Variants in DCC observed in about 807,000 individuals in gnomAD.
DCC encodes netrin receptor DCC.
A neutral mutation model predicts 172.5 loss-of-function variants in DCC; 58 were observed. The ratio of observed to expected loss-of-function variants is 0.34; its 90% CI spans 0.27 to 0.42. The LOEUF (loss-of-function observed/expected upper bound fraction) is 0.42, where lower values mean the gene tolerates loss of function less well. Among genes scored for constraint, DCC ranks in the 10% least tolerant of loss-of-function variants. DCC has a pLI of 1.00. For synonymous variants in DCC, 709 were observed against 644.5 expected, an observed-to-expected ratio of 1.10 and a Z score of -1.52; for missense variants, 1,740 against 1,791.0, an observed-to-expected ratio of 0.97 and a Z score of 0.51.
intron 7 of DCC, among the ~76,000 whole-genome samples, chr18:53,131,847 A>T (rs2043658024): frequency 6.6e-6 from 1 of 151,744 alleles, no homozygotes; most frequent in South Asian, 2.1e-4. Flanking sequence ...GCAAAGGCCG[A>T]ATTTGTCTTG....
chr18:53,303,744 C>G (rs187776835), intron 12 of DCC, among the ~76,000 whole-genome samples: 127 of 152,248 alleles, frequency 8.3e-4, no homozygotes, highest in African/African-American at 2.7e-3. Flanking sequence ...ACTCCCAAAT[C>G]CCCAGTGAGT....
intron 2 of DCC, among the ~76,000 whole-genome samples, chr18:52,779,706 C>T (rs1177935955): frequency 6.6e-6 from 1 of 152,112 alleles, no homozygotes; most frequent in Admixed American, 6.5e-5. Context: ...ATTTCTAGTT[C>T]TAGATCCTTG....
intron 2 of DCC, among the ~76,000 whole-genome samples, chr18:52,833,961 T>C (rs2038660059): frequency 6.7e-6 from 1 of 148,600 alleles, no homozygotes; most frequent in Non-Finnish European, 1.5e-5. Flanking sequence ...TTTTACCTCC[T>C]AGTAGAAATA....
At chr18:52,760,066 C>T (rs1347844613) in intron 2 of DCC, among the ~76,000 whole-genome samples, 1 of 152,154 alleles carries the variant, frequency 6.6e-6, no homozygotes, top group Admixed American at 6.5e-5. Context: ...TGTTCTCACA[C>T]TGCTATAAAG....
intron 1 of DCC, among the ~76,000 whole-genome samples, chr18:52,502,142 G>T (rs1004509162): frequency 6.6e-6 from 1 of 152,100 alleles, no homozygotes; most frequent in Non-Finnish European, 1.5e-5. Context: ...ACTTCATATT[G>T]TATATAAGTT....
intron 12 of DCC, among the ~76,000 whole-genome samples, chr18:53,230,786 A>G (rs985799999): frequency 6.6e-6 from 1 of 152,008 alleles, no homozygotes; most frequent in African/African-American, 2.4e-5. Flanking sequence ...TCAATTTAGA[A>G]TACTAGATGA....
chr18:53,025,795 T>TACACACACACACAC (rs34351949), intron 5 of DCC, among the ~76,000 whole-genome samples: 14 of 141,602 alleles, frequency 9.9e-5, no homozygotes, highest in Middle Eastern at 3.6e-3. Flanking sequence ...AAAACTATGA[T>TACACACACACACAC]ACACACACAC....
At chr18:52,799,726 T>C (rs1336402053) in intron 2 of DCC, among the ~76,000 whole-genome samples, 1 of 152,224 alleles carries the variant, frequency 6.6e-6, no homozygotes, top group Non-Finnish European at 1.5e-5. Context: ...CCAGCATAAT[T>C]GATTTCTGAA....
intron 2 of DCC, among the ~76,000 whole-genome samples, chr18:52,868,594 T>G (rs2039266631): frequency 1.3e-5 from 2 of 152,120 alleles, no homozygotes; most frequent in African/African-American, 4.8e-5. Flanking sequence ...GGGAAGAAAT[T>G]TAGTTTATAG....
intron 3 of DCC, among the ~76,000 whole-genome samples, chr18:52,910,890 A>C (rs1026200823): frequency 9.2e-5 from 14 of 152,092 alleles, no homozygotes; most frequent in African/African-American, 3.4e-4. Context: ...AATATACATG[A>C]TTTTTGTCTA....
chr18:52,430,937 G>C (rs1211571800), intron 1 of DCC, among the ~76,000 whole-genome samples: 1 of 152,112 alleles, frequency 6.6e-6, no homozygotes, highest in Non-Finnish European at 1.5e-5. Context: ...AAACCTTTTA[G>C]AGGAATTTAC....
chr18:52,906,055 T>C lies in DCC; in HGVS notation c.424T>C (p.Phe142Leu), dbSNP rs1461736507. ...TGTTTTTCTCCTAGGACCACTGAGG[T>C]TCCTTTCACAGACAGAATCTGTCAC... ...AKVAVAGPLR[F>L]LSQTESVTAF... is the part of the protein sequence containing the mutation. The change falls in exon 3 of 29, where the codon TTC becomes CTC. Residue 142 changes from phenylalanine (F) to leucine (L), a missense_variant. Phe to Leu is a conservative substitution (Grantham distance 22). Coordinates refer to ENST00000442544, the MANE Select transcript of DCC (RefSeq NM_005215.4). The C allele has an allele frequency of 6.2e-7, 1 of 1,609,134 alleles. No homozygotes were observed. The highest frequency in any genetic ancestry group is 1.3e-5 in the African/African-American group (1 of 74,836).
rs548866817 is a variant in DCC, at chr18:53,060,283, C to T, written c.986-3022C>T. Among the ~76,000 whole-genome samples the T allele has an allele frequency of 6.5e-4, 99 of 152,208 alleles. 3 individuals are homozygous for T. In the South Asian group the frequency reaches 0.02, roughly 30 times the overall value. ...TCCTGGCCTCTAGGGATCTGCCCAC[C>T]TCTGCTTCCCAAAGTGTGGCTGAGC... On this transcript the variant is annotated intron_variant, in intron 5 of 28. Coordinates refer to ENST00000442544, the MANE Select transcript of DCC (RefSeq NM_005215.4).
chr18:53,465,529 A>G (rs1281695174), intron 24 of DCC, among the ~76,000 whole-genome samples: 2 of 152,230 alleles, frequency 1.3e-5, no homozygotes, highest in East Asian at 3.9e-4. Flanking sequence ...TGTAGTTTTA[A>G]GAAGCTGAAC....
intron 8 of DCC, among the ~76,000 whole-genome samples, chr18:53,165,602 T>C (rs1377271754): frequency 6.6e-6 from 1 of 152,190 alleles, no homozygotes; most frequent in East Asian, 1.9e-4. Context: ...ATCATGGCCC[T>C]GTACCTCAAA....
At chr18:52,761,924 AAGAAAAAAAAAAAG>A (rs1173694663) in intron 2 of DCC, among the ~76,000 whole-genome samples, 15 of 120,126 alleles carry the variant, frequency 1.2e-4, no homozygotes, top group African/African-American at 3.4e-4. Flanking sequence ...AAAAAAAAAA[AAGAAAAAAAAAAAG>A]AAGAAGGAAA....
chr18:52,691,892 G>A (rs1465632428), intron 1 of DCC, among the ~76,000 whole-genome samples: 1 of 152,078 alleles, frequency 6.6e-6, no homozygotes, highest in African/African-American at 2.4e-5. Flanking sequence ...GCTTATAACT[G>A]ACCTGGCTTT....
intron 1 of DCC, among the ~76,000 whole-genome samples, chr18:52,704,164 C>T (rs1422129308): frequency 6.7e-6 from 1 of 149,706 alleles, no homozygotes; most frequent in African/African-American, 2.6e-5. Context: ...TCTCTGTCAA[C>T]ATACACATAA....
At chr18:52,524,460 T>G (rs541840144) in intron 1 of DCC, among the ~76,000 whole-genome samples, 1 of 152,244 alleles carries the variant, frequency 6.6e-6, no homozygotes, top group Non-Finnish European at 1.5e-5. Context: ...ATGGGATTTG[T>G]CTCAAATAAT....
Sources: allele counts gnomAD v4.1 joint callset (sites outside exome capture counted in the v4.1 genomes callset), GRCh38; gene constraint gnomAD v4.1.1; transcripts MANE v1.5; gene names NCBI Gene and HGNC (gene_info 2026-07-23, HGNC 2026-07-21).